The following RBFOX1 variants were observed in gnomAD, a reference collection of about 807,000 sequenced individuals.
RBFOX1 encodes RNA binding protein fox-1 homolog 1.
In RBFOX1, 8 loss-of-function variants were observed where a neutral mutation model predicts 57.7. That is an observed-to-expected ratio of 0.14 (90% CI 0.08 to 0.25). The LOEUF is 0.25. Ranked by LOEUF, RBFOX1 falls within the 10% of genes least tolerant of loss-of-function variation. The pLI is 1.00. For synonymous variants in RBFOX1, 326 were observed against 222.4 expected (o/e 1.47, Z -4.15); for missense variants, 611 against 548.5 (o/e 1.11, Z -1.14).
At chr16:7,607,825 C>G (rs979400893) in intron 10 of RBFOX1, among the ~76,000 whole-genome samples, 1 of 152,110 alleles carries the variant, frequency 6.6e-6, no homozygotes, top group Non-Finnish European at 1.5e-5. Flanking sequence ...AAAAGTTGTC[C>G]GTCTTCGTTC....
intron 4 of RBFOX1, among the ~76,000 whole-genome samples, chr16:7,295,169 T>G (rs2095865389): frequency 6.6e-6 from 1 of 152,232 alleles, no homozygotes; most frequent in African/African-American, 2.4e-5. Context: ...GGCATTCATT[T>G]GATTCATTAG....
At chr16:7,428,585 GGT>G (rs1568852596) in intron 4 of RBFOX1, among the ~76,000 whole-genome samples, 1 of 149,980 alleles carries the variant, frequency 6.7e-6, no homozygotes, top group East Asian at 2.0e-4. Context: ...TGGCCAGGCT[GGT>G]ATCAAACTCC....
intron 3 of RBFOX1, among the ~76,000 whole-genome samples, chr16:6,683,404 G>A (rs996328781): frequency 6.6e-6 from 1 of 152,084 alleles, no homozygotes; most frequent in Admixed American, 6.6e-5. Flanking sequence ...TCTTTATTAG[G>A]AGATGCATGC....
chr16:7,132,633 G>A (rs1311564610), intron 4 of RBFOX1, among the ~76,000 whole-genome samples: 2 of 151,444 alleles, frequency 1.3e-5, no homozygotes, highest in South Asian at 2.1e-4. Flanking sequence ...CACACACAAT[G>A]GAATAGTATT....
chr16:7,300,706 ATTC>A (rs1387753859), intron 4 of RBFOX1, among the ~76,000 whole-genome samples: 12 of 152,252 alleles, frequency 7.9e-5, no homozygotes, highest in African/African-American at 1.9e-4. Context: ...AATGGTTTCC[ATTC>A]TTCTTTTAAA....
chr16:6,892,208 G>T (rs1322970283), intron 3 of RBFOX1, among the ~76,000 whole-genome samples: 1 of 152,124 alleles, frequency 6.6e-6, no homozygotes, highest in African/African-American at 2.4e-5. Context: ...CTTTGGCCAA[G>T]CAGAACTTCC....
intron 3 of RBFOX1, among the ~76,000 whole-genome samples, chr16:5,827,678 A>G (rs1567594636): frequency 6.6e-6 from 1 of 152,224 alleles, no homozygotes; most frequent in Non-Finnish European, 1.5e-5. Context: ...GTTAAATTTT[A>G]GATGGCAACC....
intron 4 of RBFOX1, among the ~76,000 whole-genome samples, chr16:7,099,061 G>A (rs2062193640): frequency 6.6e-6 from 1 of 152,118 alleles, no homozygotes. Flanking sequence ...TCCTTGCATA[G>A]TATCTTTCTC....
chr16:7,089,268 T>TA (rs2060448607), intron 4 of RBFOX1, among the ~76,000 whole-genome samples: 1 of 152,210 alleles, frequency 6.6e-6, no homozygotes, highest in African/African-American at 2.4e-5. Flanking sequence ...TTTTGAAATA[T>TA]AAAATCACTA....
chr16:6,721,621 C>T (rs1486738814), intron 3 of RBFOX1, among the ~76,000 whole-genome samples: 1 of 152,182 alleles, frequency 6.6e-6, no homozygotes, highest in Non-Finnish European at 1.5e-5. Flanking sequence ...CTGGCAACCA[C>T]CATTCCACTT....
chr16:5,763,305 C>G (rs2053651717), intron 3 of RBFOX1, among the ~76,000 whole-genome samples: 3 of 152,216 alleles, frequency 2.0e-5, no homozygotes, highest in Admixed American at 2.0e-4. Context: ...GGGAAACACA[C>G]ACAAGAGCGC....
chr16:6,637,994 T>C (rs1160258878), intron 2 of RBFOX1, among the ~76,000 whole-genome samples: 7 of 152,160 alleles, frequency 4.6e-5, no homozygotes, highest in African/African-American at 1.7e-4. Flanking sequence ...TTTAGTTTTT[T>C]ATCTCATTCC....
chr16:7,105,723 T>C (rs905477255), intron 4 of RBFOX1, among the ~76,000 whole-genome samples: 3 of 151,978 alleles, frequency 2.0e-5, no homozygotes, highest in Non-Finnish European at 2.9e-5. Flanking sequence ...TATGGAGATA[T>C]ATAGGTAGAT....
At chr16:7,656,646 T>C (rs1381307015) in intron 12 of RBFOX1, among the ~76,000 whole-genome samples, 1 of 152,198 alleles carries the variant, frequency 6.6e-6, no homozygotes, top group Non-Finnish European at 1.5e-5. Flanking sequence ...CTGACGTCTT[T>C]ACCCCAGCCC....
intron 3 of RBFOX1, among the ~76,000 whole-genome samples, chr16:6,784,390 G>C (rs2081558536): frequency 6.6e-6 from 1 of 151,802 alleles, no homozygotes. Context: ...CACCAATTTT[G>C]CTGTTGAGAC....
At chr16:7,265,491 C>T (rs1196576881) in intron 4 of RBFOX1, among the ~76,000 whole-genome samples, 8 of 152,006 alleles carry the variant, frequency 5.3e-5, no homozygotes, top group Non-Finnish European at 7.4e-5. Context: ...CTCTGTCACC[C>T]AGGCTGGAGT....
chr16:6,263,402 C>G (rs1039227840), intron 1 of RBFOX1, among the ~76,000 whole-genome samples: 2 of 152,108 alleles, frequency 1.3e-5, no homozygotes, highest in South Asian at 2.1e-4. Flanking sequence ...GAGAGAGGCT[C>G]TGATAAACAC....
At chr16:6,842,506 T>C (rs6500846) in intron 3 of RBFOX1, among the ~76,000 whole-genome samples, 76,488 of 151,828 alleles carry the variant, frequency 0.5, 20,497 homozygotes, top group East Asian at 0.75. Flanking sequence ...TTGAATCATA[T>C]ATTTTTATCC....
intron 4 of RBFOX1, among the ~76,000 whole-genome samples, chr16:7,499,641 A>C (rs2069975341): frequency 6.6e-6 from 1 of 152,184 alleles, no homozygotes; most frequent in Admixed American, 6.5e-5. Context: ...AACGAGAAAA[A>C]ACAGTAAGTG....
Sources: gnomAD v4.1 joint callset for allele counts (sites outside exome capture counted in the v4.1 genomes callset) on GRCh38, gnomAD v4.1.1 for gene constraint, MANE v1.5 for transcripts, NCBI Gene and HGNC (gene_info 2026-07-23, HGNC 2026-07-21) for gene names.